Variants in NALCN observed in about 807,000 individuals in gnomAD.
NALCN encodes the protein sodium leak channel NALCN.
In NALCN, 111 loss-of-function variants were observed where a neutral mutation model predicts 225.3. The ratio of observed to expected loss-of-function variants is 0.49; its 90% confidence interval spans 0.42 to 0.58. The LOEUF (loss-of-function observed/expected upper bound fraction) is 0.58, where lower values mean the gene tolerates loss of function less well. Ranked by LOEUF, NALCN falls within the 20% of genes least tolerant of loss-of-function variation. The pLI, the probability that NALCN is intolerant of heterozygous loss-of-function variation, is 0.00. For missense variants in NALCN, 1,378 were observed against 2,202.4 expected (o/e 0.63, Z 7.49); for synonymous variants, 764 against 769.0 (o/e 0.99, Z 0.11).
At chr13:101,115,549 T>G (rs1339567627) in intron 18 of NALCN, among the ~76,000 whole-genome samples, 1 of 152,194 alleles carries the variant, frequency 6.6e-6, no homozygotes, top group African/African-American at 2.4e-5. Flanking sequence ...ATCCTTAAAG[T>G]TACGAAGTAA....
chr13:101,222,340 T>C (rs1417722698), intron 13 of NALCN, among the ~76,000 whole-genome samples: 7 of 152,106 alleles, frequency 4.6e-5, no homozygotes, highest in Admixed American at 4.6e-4. Flanking sequence ...AAGCCTTACA[T>C]TTAACCCTCC....
chr13:101,350,542 T>C (rs972319178), intron 6 of NALCN, among the ~76,000 whole-genome samples: 2 of 152,190 alleles, frequency 1.3e-5, no homozygotes, highest in African/African-American at 2.4e-5. Context: ...TGGTCATCTG[T>C]TCATTGGATG....
At chr13:101,261,399 T>C (rs2042421588) in intron 10 of NALCN, among the ~76,000 whole-genome samples, 1 of 152,218 alleles carries the variant, frequency 6.6e-6, no homozygotes, top group African/African-American at 2.4e-5. Flanking sequence ...ATATCATTGG[T>C]ATTTTGATAA....
Position 101,057,779 on chromosome 13 carries a change from G to T in NALCN, c.5023+160C>A, listed in dbSNP as rs142449412. 58 of 671,594 alleles carry T rather than the reference G, an allele frequency of 8.6e-5. No individual in the cohort carries two copies. In the East Asian group the frequency reaches 1.5e-3, roughly 18 times the overall value. The allele number at this position is 671,594 out of a possible 1,614,324, so 41.6% of individuals were successfully genotyped here. A position where few individuals can be genotyped will look rare whatever the true frequency, so the allele number is the denominator to read the frequency against. On this transcript the variant is annotated intron_variant, in intron 43 of 43. Transcript: ENST00000251127. ...TCATATTTAGAGAAGTTATTTTGGG[G>T]GACAATGTTTTTGACAAGACTACAT...
In NALCN at chr13:101,053,810, A is replaced by G. The variant is rs2030863206; in HGVS notation, c.*1485T>C. Reference sequence around the variant, plus strand: ...AAATCCAATATTTATTTTATCTTGTATGTACAAAAAGTAAACTCCAAGTGA... The same window carrying G: ...AAATCCAATATTTATTTTATCTTGTGTGTACAAAAAGTAAACTCCAAGTGA... On this transcript the variant is annotated 3_prime_UTR_variant, in exon 44 of 44. Transcript: ENST00000251127. 1 of 152,266 alleles carries G rather than the reference A, an allele frequency of 6.6e-6. No homozygotes were observed. Among genetic ancestry groups the G allele is most frequent in the East Asian group, 1.9e-4 (1 of 5,172 alleles). 9.4% of individuals were successfully genotyped at this position (152,266 alleles called of 1,614,324 possible).
chr13:101,195,555 T>A (rs1437346960), intron 13 of NALCN, among the ~76,000 whole-genome samples: 1 of 152,254 alleles, frequency 6.6e-6, no homozygotes, highest in Non-Finnish European at 1.5e-5. Flanking sequence ...GCTGTTTAAA[T>A]CAGTTTAAAT....
intron 9 of NALCN, among the ~76,000 whole-genome samples, chr13:101,291,689 A>G (rs1488817528): frequency 6.6e-6 from 1 of 152,108 alleles, no homozygotes; most frequent in African/African-American, 2.4e-5. Flanking sequence ...CTGGGACTAC[A>G]AGCTCATGCC....
chr13:101,094,423 C>T (rs950787392), intron 28 of NALCN, among the ~76,000 whole-genome samples: 1 of 152,122 alleles, frequency 6.6e-6, no homozygotes, highest in African/African-American at 2.4e-5. Context: ...CTATTCCTGA[C>T]TACATTTACT....
chr13:101,206,921 T>G (rs2040335619), intron 13 of NALCN, among the ~76,000 whole-genome samples: 1 of 152,040 alleles, frequency 6.6e-6, no homozygotes, highest in African/African-American at 2.4e-5. Flanking sequence ...CTTACATCAC[T>G]AATTAGTCTA....
intron 7 of NALCN, among the ~76,000 whole-genome samples, chr13:101,311,411 G>A (rs2044340940): frequency 6.6e-6 from 1 of 150,434 alleles, no homozygotes; most frequent in Non-Finnish European, 1.5e-5. Context: ...AATAGGAGTG[G>A]TGAGAGAGGG....
intron 13 of NALCN, among the ~76,000 whole-genome samples, chr13:101,193,605 A>C (rs1566412223): frequency 6.6e-6 from 1 of 152,144 alleles, no homozygotes; most frequent in Non-Finnish European, 1.5e-5. Flanking sequence ...GTTGTTATTG[A>C]TACTTGACCG....
intron 6 of NALCN, among the ~76,000 whole-genome samples, chr13:101,367,016 C>G (rs921109249): frequency 3.3e-5 from 5 of 152,054 alleles, no homozygotes; most frequent in African/African-American, 9.7e-5. Flanking sequence ...TCCACATATG[C>G]GTGAGATCAT....
rs371248143 is a variant in NALCN, at chr13:101,108,691, T to C, written c.2365-902A>G. 5.1e-4 allele frequency among the ~76,000 whole-genome samples: 77 copies of C among 152,178 alleles called. 1 individual carries two copies. Among genetic ancestry groups the C allele is most frequent in the African/African-American group, 1.8e-3 (74 of 41,532 alleles). Reference sequence around the variant, plus strand: ...GCCAGGATGCCAGTGTGGGTAAAGCTAAGAGAGGTGAGCAGGCCATGCAGG... The same window carrying C: ...GCCAGGATGCCAGTGTGGGTAAAGCCAAGAGAGGTGAGCAGGCCATGCAGG... On this transcript the variant is annotated intron_variant, in intron 20 of 43. Coordinates refer to ENST00000251127, the MANE Select transcript of NALCN (RefSeq NM_052867.4).
Position 101,242,058 on chromosome 13 carries a change from AC to A in NALCN, c.1267-4137del, listed in dbSNP as rs1457903715. 3.8e-5 allele frequency among the ~76,000 whole-genome samples: 4 copies of A among 105,880 alleles called. 1 individual carries two copies. The highest frequency in any genetic ancestry group is 1.4e-4 in the African/African-American group (4 of 29,528). The allele number at this position is 105,880 out of a possible 152,430, so 69.5% of individuals were successfully genotyped here. A position where few individuals can be genotyped will look rare whatever the true frequency, so the allele number is the denominator to read the frequency against. ...TTGCACACTCTGCTGAACATTTAAA[AC>A]GTCTTAATATTTTAAGTGTTTGGTA... On this transcript the variant is annotated intron_variant, in intron 11 of 43. Coordinates refer to ENST00000251127, the MANE Select transcript of NALCN (RefSeq NM_052867.4).
intron 13 of NALCN, among the ~76,000 whole-genome samples, chr13:101,205,893 A>G (rs1175065627): frequency 2.0e-5 from 3 of 152,142 alleles, no homozygotes; most frequent in African/African-American, 4.8e-5. Context: ...GGATTAATTA[A>G]AAATATTTCC....
At chr13:101,172,661 G>C (rs575932177) in intron 15 of NALCN, among the ~76,000 whole-genome samples, 1 of 152,162 alleles carries the variant, frequency 6.6e-6, no homozygotes, top group Admixed American at 6.5e-5. Flanking sequence ...CCGGGTTTAC[G>C]CCATTCTCCT....
chr13:101,227,446 G>A (rs1446373689), intron 13 of NALCN, among the ~76,000 whole-genome samples: 1 of 152,120 alleles, frequency 6.6e-6, no homozygotes, highest in Non-Finnish European at 1.5e-5. Flanking sequence ...TTGACTCCTT[G>A]TTGATGAGGA....
At chr13:101,210,903 A>G (rs978979089) in intron 13 of NALCN, among the ~76,000 whole-genome samples, 3 of 152,210 alleles carry the variant, frequency 2.0e-5, no homozygotes, top group African/African-American at 7.2e-5. Context: ...AATTGTGGGT[A>G]GCCATGAGAG....
At chr13:101,165,340 C>T (rs928348899) in intron 15 of NALCN, among the ~76,000 whole-genome samples, 5 of 152,172 alleles carry the variant, frequency 3.3e-5, no homozygotes, top group Non-Finnish European at 2.9e-5. Flanking sequence ...TCTGTATCAT[C>T]GAAGGCCCTG....
Sources: allele counts gnomAD v4.1 joint callset (sites outside exome capture counted in the v4.1 genomes callset), GRCh38; gene constraint gnomAD v4.1.1; transcripts MANE v1.5; gene names NCBI Gene and HGNC (gene_info 2026-07-23, HGNC 2026-07-21).